Variants in CTNNA3 observed in about 807,000 individuals in gnomAD.
CTNNA3 encodes the protein catenin alpha-3.
Under a neutral mutation model 95.7 loss-of-function variants are expected in CTNNA3, and 76 were observed. The observed-to-expected ratio is 0.79, with a 90% confidence interval of 0.66 to 0.96. CTNNA3 has a LOEUF of 0.96. Ranked by LOEUF, CTNNA3 falls within the 40% of genes least tolerant of loss-of-function variation. CTNNA3 has a pLI of 0.00. For synonymous variants in CTNNA3, 431 were observed against 374.4 expected, an observed-to-expected ratio of 1.15 and a Z score of -1.74; for missense variants, 1,191 against 1,089.8, an observed-to-expected ratio of 1.09 and a Z score of -1.31.
chr10:67,695,758 T>C (rs1274790244), intron 1 of CTNNA3, among the ~76,000 whole-genome samples: 1 of 152,208 alleles, frequency 6.6e-6, no homozygotes, highest in Non-Finnish European at 1.5e-5. Context: ...AAGCACGACC[T>C]TGGCTACCAG....
At position 66,385,798 on chromosome 10, in the gene CTNNA3, A is replaced by G. The variant is rs540212229; in HGVS notation, c.1532-6446T>C. On this transcript the variant is annotated intron_variant, in intron 11 of 17. Transcript: ENST00000433211. The stretch of plus-strand genomic sequence containing the variant: ...AAGGCCGGTTCAACATATGCAAATC[A>G]GTAAACATAATCCATCACATAAACA... Among the ~76,000 whole-genome samples, 146 of 152,338 alleles carry G rather than the reference A, an allele frequency of 9.6e-4. 2 individuals are homozygous for G. In the Middle Eastern group the frequency reaches 0.01, roughly 11 times the overall value.
At chr10:66,213,599 A>T (rs2131956869) in intron 13 of CTNNA3, among the ~76,000 whole-genome samples, 1 of 152,294 alleles carries the variant, frequency 6.6e-6, no homozygotes, top group Non-Finnish European at 1.5e-5. Context: ...TATTGAAACC[A>T]CCTTGCCAAT....
intron 11 of CTNNA3, among the ~76,000 whole-genome samples, chr10:66,464,357 T>G (rs1157151037): frequency 6.6e-6 from 1 of 152,160 alleles, no homozygotes; most frequent in East Asian, 1.9e-4. Context: ...ATATTGTCAC[T>G]CATACTTGCT....
At chr10:67,178,793 T>C (rs963016776) in intron 7 of CTNNA3, among the ~76,000 whole-genome samples, 2 of 151,878 alleles carry the variant, frequency 1.3e-5, no homozygotes, top group Non-Finnish European at 2.9e-5. Context: ...GGCATTTCAA[T>C]AAAATATTAT....
intron 5 of CTNNA3, among the ~76,000 whole-genome samples, chr10:67,365,836 G>A (rs1383350111): frequency 6.6e-6 from 1 of 152,184 alleles, no homozygotes; most frequent in East Asian, 1.9e-4. Flanking sequence ...CAAGGACCTA[G>A]AACTAGAAAT....
intron 5 of CTNNA3, among the ~76,000 whole-genome samples, chr10:67,515,791 A>AACATACTT (rs1685834852): frequency 1.3e-5 from 2 of 152,216 alleles, no homozygotes; most frequent in African/African-American, 2.4e-5. Context: ...TTGAGCAATT[A>AACATACTT]ACATACTTCA....
At chr10:67,665,749 T>C (rs578222041) in intron 1 of CTNNA3, 2 of 152,164 alleles carry the variant, frequency 1.3e-5, no homozygotes, top group Non-Finnish European at 2.9e-5. Flanking sequence ...TGGGTGCTCT[T>C]AAAGCAACAT....
intron 5 of CTNNA3, among the ~76,000 whole-genome samples, chr10:67,413,508 C>A (rs1050386981): frequency 3.3e-5 from 5 of 152,106 alleles, no homozygotes; most frequent in Admixed American, 3.3e-4. Flanking sequence ...GAGACTTCAA[C>A]ACCCTACTGA....
chr10:67,469,765 TAAAAA>T (rs961756969), intron 5 of CTNNA3, among the ~76,000 whole-genome samples: 2 of 151,798 alleles, frequency 1.3e-5, no homozygotes, highest in African/African-American at 2.4e-5. Flanking sequence ...CAATAAAAAA[TAAAAA>T]AAAGAAAAGT....
chr10:66,609,796 T>C (rs1031589125), intron 10 of CTNNA3, among the ~76,000 whole-genome samples: 2 of 152,110 alleles, frequency 1.3e-5, no homozygotes, highest in Non-Finnish European at 2.9e-5. Flanking sequence ...GACACATGTA[T>C]GTGTATGTTC....
chr10:66,028,809 AAAC>A (rs2079395051), intron 15 of CTNNA3, among the ~76,000 whole-genome samples: 1 of 152,174 alleles, frequency 6.6e-6, no homozygotes, highest in South Asian at 2.1e-4. Context: ...AATAGAAGTT[AAAC>A]TAAACCCAAA....
intron 9 of CTNNA3, among the ~76,000 whole-genome samples, chr10:66,651,154 A>C (rs1336983727): frequency 6.6e-6 from 1 of 152,162 alleles, no homozygotes; most frequent in South Asian, 2.1e-4. Context: ...CTAGACAAAG[A>C]GTGCTGATCA....
intron 13 of CTNNA3, among the ~76,000 whole-genome samples, chr10:66,184,198 C>T (rs2086203931): frequency 6.6e-6 from 1 of 152,094 alleles, no homozygotes; most frequent in African/African-American, 2.4e-5. Flanking sequence ...ACTCAGGAGG[C>T]TGAGGCAGGA....
chr10:66,929,748 C>A (rs1210983930), intron 7 of CTNNA3, among the ~76,000 whole-genome samples: 1 of 152,208 alleles, frequency 6.6e-6, no homozygotes, highest in African/African-American at 2.4e-5. Flanking sequence ...TGGCAATCTG[C>A]AAGCTGCATG....
chr10:66,884,574 C>T (rs1844972171), intron 7 of CTNNA3, among the ~76,000 whole-genome samples: 1 of 152,242 alleles, frequency 6.6e-6, no homozygotes, highest in Admixed American at 6.5e-5. Context: ...TCCCAGTCAA[C>T]ACTTCACATA....
chr10:66,655,648 T>C (rs998873837), intron 9 of CTNNA3, among the ~76,000 whole-genome samples: 1 of 152,046 alleles, frequency 6.6e-6, no homozygotes, highest in Non-Finnish European at 1.5e-5. Flanking sequence ...GCTTCAATTT[T>C]CTCAGCAAAG....
At chr10:66,789,198 T>C (rs946689089) in intron 7 of CTNNA3, among the ~76,000 whole-genome samples, 4 of 152,172 alleles carry the variant, frequency 2.6e-5, no homozygotes, top group Non-Finnish European at 5.9e-5. Flanking sequence ...TTGTTGTTTT[T>C]TAAGTCTCAC....
chr10:67,323,172 G>A (rs1164911048), intron 5 of CTNNA3, among the ~76,000 whole-genome samples: 1 of 152,100 alleles, frequency 6.6e-6, no homozygotes, highest in South Asian at 2.1e-4. Flanking sequence ...TAGGTTGTCT[G>A]TTGACTCTTT....
At chr10:66,845,358 G>T (rs1211634764) in intron 7 of CTNNA3, among the ~76,000 whole-genome samples, 1 of 152,142 alleles carries the variant, frequency 6.6e-6, no homozygotes, top group Non-Finnish European at 1.5e-5. Flanking sequence ...AAAGGCAAAA[G>T]ATACCAAGTG....
Sources: allele counts gnomAD v4.1 joint callset (sites outside exome capture counted in the v4.1 genomes callset), GRCh38; gene constraint gnomAD v4.1.1; transcripts MANE v1.5; gene names NCBI Gene and HGNC (gene_info 2026-07-23, HGNC 2026-07-21).